Variants in TRIO observed in about 807,000 individuals in gnomAD.
TRIO encodes the protein trio Rho guanine nucleotide exchange factor, also known as triple functional domain protein.
A neutral mutation model predicts 351.9 loss-of-function variants in TRIO; 58 were observed. The ratio of observed to expected loss-of-function variants is 0.16; its 90% CI spans 0.13 to 0.21. The LOEUF (loss-of-function observed/expected upper bound fraction) is 0.21. Ranked by LOEUF, TRIO falls within the 10% of genes least tolerant of loss-of-function variation. The probability of loss-of-function intolerance (pLI) is 1.00; values close to 1 mark genes in which losing one functional copy is unlikely to be tolerated. For missense variants in TRIO, 3,201 were observed against 4,027.8 expected (o/e 0.79, Z 5.56); for synonymous variants, 1,758 against 1,595.7 (o/e 1.10, Z -2.42).
chr5:14,370,495 A>G (rs918279829), intron 18 of TRIO, among the ~76,000 whole-genome samples: 1 of 151,768 alleles, frequency 6.6e-6, no homozygotes, highest in African/African-American at 2.4e-5. Context: ...TTACCTTCTC[A>G]TTGCTTCAGC....
intron 1 of TRIO, among the ~76,000 whole-genome samples, chr5:14,214,962 G>C (rs775242996): frequency 6.6e-6 from 1 of 152,176 alleles, no homozygotes; most frequent in Non-Finnish European, 1.5e-5. Context: ...TTAAAAACTT[G>C]ACTTGGAGGA....
intron 34 of TRIO, among the ~76,000 whole-genome samples, chr5:14,444,726 GA>G: frequency 1.3e-5 from 2 of 152,032 alleles, no homozygotes; most frequent in East Asian, 3.9e-4. Flanking sequence ...TGTTAAACAC[GA>G]AAAAAGAGTG....
chr5:14,288,281 G>C (rs1736609912), intron 4 of TRIO, among the ~76,000 whole-genome samples: 1 of 152,124 alleles, frequency 6.6e-6, no homozygotes, highest in Non-Finnish European at 1.5e-5. Context: ...CTCTCCCTCA[G>C]GGCTCTTAAA....
At chr5:14,232,962 A>G (rs1178348844) in intron 1 of TRIO, among the ~76,000 whole-genome samples, 1 of 152,224 alleles carries the variant, frequency 6.6e-6, no homozygotes, top group African/African-American at 2.4e-5. Context: ...AACAAGCTCC[A>G]TGGCCACAGT....
chr5:14,387,999 G>A (rs1746696708), intron 23 of TRIO, 152 bp downstream of exon 23: 3 of 697,924 alleles, frequency 4.3e-6, no homozygotes, highest in African/African-American at 1.8e-5. Flanking sequence ...CACAGACTTC[G>A]CTGCGTTCAC....
intron 1 of TRIO, among the ~76,000 whole-genome samples, chr5:14,233,601 T>C (rs1793599341): frequency 6.6e-6 from 1 of 152,116 alleles, no homozygotes; most frequent in African/African-American, 2.4e-5. Context: ...CCAAAACATG[T>C]ATCTCTTATT....
At chr5:14,216,723 G>A (rs1792250433) in intron 1 of TRIO, among the ~76,000 whole-genome samples, 1 of 152,244 alleles carries the variant, frequency 6.6e-6, no homozygotes, top group Admixed American at 6.5e-5. Flanking sequence ...TATTATAAAA[G>A]CATGTTTATA....
At chr5:14,399,336 A>T (rs540771522) in intron 30 of TRIO, 6 of 454,846 alleles carry the variant, frequency 1.3e-5, no homozygotes, top group Non-Finnish European at 2.3e-5. Context: ...AAAACATTTC[A>T]TAAGTGAAAT....
chr5:14,374,680 A>C (rs1042301469), intron 19 of TRIO, among the ~76,000 whole-genome samples: 2 of 152,218 alleles, frequency 1.3e-5, no homozygotes, highest in Non-Finnish European at 2.9e-5. Context: ...AGAGTTATCT[A>C]TAGGCAAAGG....
chr5:14,288,952 C>G (rs925010146), intron 4 of TRIO, among the ~76,000 whole-genome samples: 2 of 152,142 alleles, frequency 1.3e-5, no homozygotes, highest in Non-Finnish European at 2.9e-5. Context: ...GTTAAGATTT[C>G]TTGCCGAGGC....
At chr5:14,243,142 C>A (rs1385290336) in intron 1 of TRIO, among the ~76,000 whole-genome samples, 2 of 152,150 alleles carry the variant, frequency 1.3e-5, no homozygotes, top group Non-Finnish European at 2.9e-5. Flanking sequence ...ATTCCGGGCA[C>A]TCCCATTACT....
In TRIO at chr5:14,297,090, A is replaced by G; in HGVS notation, c.1195A>G (p.Asn399Asp). The change falls in exon 7 of 57, where the codon AAC becomes GAC. Residue 399 changes from asparagine (N) to aspartate (D), a missense_variant. Asn to Asp is a conservative substitution (Grantham distance 23, BLOSUM62 1). Transcript: ENST00000344204. Reference protein sequence around the residue: ...MNCMNVYVNINRIMSVANRLV... With the variant: ...MNCMNVYVNIDRIMSVANRLV... Reference sequence around the variant, plus strand: ...TTTCCAGAACGTGTATGTAAATATAAACCGCATCATGTCGGTGGCCAATCG... The same window carrying G: ...TTTCCAGAACGTGTATGTAAATATAGACCGCATCATGTCGGTGGCCAATCG... The G allele has an allele frequency of 6.2e-7, 1 of 1,613,290 alleles. No homozygotes were observed. The highest frequency in any genetic ancestry group is 2.2e-5 in the East Asian group (1 of 44,844).
rs111206296 is a variant in TRIO, at chr5:14,403,385, G to T, written c.4716+2321G>T. Among the ~76,000 whole-genome samples, 525 of 98,638 alleles carry T rather than the reference G, an allele frequency of 5.3e-3. 75 individuals carry two copies. Among genetic ancestry groups the T allele is most frequent in the African/African-American group, 0.031 (483 of 15,706 alleles). 64.7% of individuals were successfully genotyped at this position (98,638 alleles called of 152,430 possible). A position where few individuals can be genotyped will look rare whatever the true frequency, so the allele number is the denominator to read the frequency against. ...GCAGGTTGTGGTGAGGGTGTAGGTT[G>T]TGAGGGTGTAGGTTGTGATGAGGGT... On this transcript the variant is annotated intron_variant, in intron 31 of 56. Transcript: ENST00000344204.
intron 29 of TRIO, among the ~76,000 whole-genome samples, chr5:14,398,673 G>C (rs987417795): frequency 6.6e-6 from 1 of 152,182 alleles, no homozygotes; most frequent in Non-Finnish European, 1.5e-5. Context: ...TTTGAACAAA[G>C]GAAAATATAT....
chr5:14,188,282 ATTG>A (rs1279434095), intron 1 of TRIO, among the ~76,000 whole-genome samples: 1 of 152,178 alleles, frequency 6.6e-6, no homozygotes, highest in East Asian at 1.9e-4. Flanking sequence ...GCTGCCATGT[ATTG>A]TTCTCATTGC....
intron 8 of TRIO, among the ~76,000 whole-genome samples, chr5:14,311,496 G>A (rs1486803972): frequency 3.3e-5 from 5 of 152,216 alleles, no homozygotes; most frequent in Non-Finnish European, 7.3e-5. Flanking sequence ...CTTTCAGGAG[G>A]TAATTGACCT....
At chr5:14,351,201 CCGGACTCTACT>C in intron 11 of TRIO, among the ~76,000 whole-genome samples, 1 of 152,182 alleles carries the variant, frequency 6.6e-6, no homozygotes, top group Non-Finnish European at 1.5e-5. Context: ...AAGGTGCTTC[CCGGACTCTACT>C]CTTTCTTATC....
intron 41 of TRIO, among the ~76,000 whole-genome samples, chr5:14,478,492 G>C (rs6882373): frequency 2.6e-5 from 4 of 152,102 alleles, no homozygotes; most frequent in African/African-American, 9.7e-5. Context: ...TCTGCACACT[G>C]TACTTTGAGG....
rs1348066294 is a variant in TRIO at position 14,290,823 on chromosome 5, C to T, written c.648C>T (p.Ile216=). The change falls in exon 5 of 57, where the codon ATC becomes ATT. Residue 216 remains isoleucine, a synonymous_variant. Transcript: ENST00000344204. The stretch of plus-strand genomic sequence containing the variant: ...ACAACCACGAAGAATGGATTGAAAT[C>T]AGAGTTGCTTTTGAAGACTACATTA... ...LEYNHEEWIE[I]RVAFEDYISN... 1.2e-6 allele frequency: 2 copies of T among 1,613,980 alleles called. No homozygotes were observed. The highest frequency in any genetic ancestry group is 3.3e-5 in the Admixed American group (2 of 59,994).
Sources: gnomAD v4.1 joint callset for allele counts (sites outside exome capture counted in the v4.1 genomes callset) on GRCh38, gnomAD v4.1.1 for gene constraint, MANE v1.5 for transcripts, NCBI Gene and HGNC (gene_info 2026-07-23, HGNC 2026-07-21) for gene names.